The following ZNF689 variants were observed in gnomAD, a reference collection of about 807,000 sequenced individuals.
ZNF689 encodes the protein short ORF-encoded histone-binding protein.
ZNF689 carries 14 observed loss-of-function variants against 37.2 expected under a neutral mutation model. The observed-to-expected ratio is 0.38, with a 90% CI of 0.25 to 0.59. The LOEUF is 0.59. Among genes scored for constraint, ZNF689 ranks in the 20% least tolerant of loss-of-function variants. ZNF689 has a pLI of 0.68. For missense variants in ZNF689, 573 were observed against 700.2 expected (o/e 0.82, Z 2.05); for synonymous variants, 277 against 283.3 (o/e 0.98, Z 0.22).
chr16:30,607,801 C>T (rs919176826), intron 2 of ZNF689, among the ~76,000 whole-genome samples: 4 of 152,268 alleles, frequency 2.6e-5, no homozygotes, highest in African/African-American at 9.6e-5. Flanking sequence ...GAAACCCTGT[C>T]TCTACTAAAA....
At position 30,604,467 on chromosome 16, in the gene ZNF689, A is replaced by T; in HGVS notation, c.1300T>A (p.Cys434Ser). 6.2e-7 allele frequency: 1 copy of T among 1,610,196 alleles called. No homozygotes were observed. The highest frequency in any genetic ancestry group is 2.2e-5 in the East Asian group (1 of 44,754). Reference sequence around the variant, plus strand: ...CTCCACTGAGCAAAACGCTTGGAGCAAAGGTCGCAGGCATAGGGCCGCTCG... The same window carrying T: ...CTCCACTGAGCAAAACGCTTGGAGCTAAGGTCGCAGGCATAGGGCCGCTCG... ...SGERPYACDL[C>S]SKRFAQWSHL... is the part of the protein sequence containing the mutation. Residue 434 changes from cysteine to serine, a missense_variant, in exon 3 of 3, where the codon TGC (cysteine) becomes AGC (serine). Coordinates refer to ENST00000287461, the MANE Select transcript of ZNF689 (RefSeq NM_138447.3). The surrounding 1 kb of genome is among the most constrained non-coding windows in gnomAD (Gnocchi z 5.2).
rs1369477288 is a variant in ZNF689 at position 30,609,560 on chromosome 16, G to T, written c.284C>A (p.Pro95Gln). 1 of 1,613,966 alleles carries T rather than the reference G, an allele frequency of 6.2e-7. No homozygotes were observed. Among genetic ancestry groups the T allele is most frequent in the African/African-American group, 1.3e-5 (1 of 74,894 alleles). Reference protein sequence around the residue: ...TDDWEPAALDPQEYPRGLTVQ... With the variant: ...TDDWEPAALDQQEYPRGLTVQ... ...TGTTAGCCCTCTCGGGTACTCCTGC[G>T]GATCTAGAGCAGCCGGTTCCCAGTC... Residue 95 changes from proline to glutamine, a missense_variant, in exon 2 of 3, where the codon CCG (proline) becomes CAG (glutamine). Around this residue, in one of 3 missense-constraint regions of ZNF689, gnomAD observed 252 missense variants for 313.3 expected, o/e 0.80. Coordinates refer to ENST00000287461, the MANE Select transcript of ZNF689 (RefSeq NM_138447.3).
chr16:30,605,543 T>G lies in ZNF689; in HGVS notation c.320-96A>C. 7.8e-7 allele frequency: 1 copy of G among 1,289,666 alleles called. No individual in the cohort carries two copies. Among genetic ancestry groups the G allele is most frequent in the Non-Finnish European group, 1.1e-6 (1 of 933,716 alleles). 79.9% of individuals were successfully genotyped at this position (1,289,666 alleles called of 1,614,324 possible). A position where few individuals can be genotyped will look rare whatever the true frequency, so the allele number is the denominator to read the frequency against. On this transcript the variant is annotated intron_variant, in intron 2 of 2. Coordinates refer to ENST00000287461, the MANE Select transcript of ZNF689 (RefSeq NM_138447.3). This position sits in a 1 kb window ranked among gnomAD's most constrained non-coding sequence, Gnocchi z 5.1. Reference sequence around the variant, plus strand: ...CAAGACCAATAGACTCACCCCCTGGTCTCAATTCCTAGTGCCACAGACAGC... The same window carrying G: ...CAAGACCAATAGACTCACCCCCTGGGCTCAATTCCTAGTGCCACAGACAGC...
chr16:30,605,109 G>A lies in ZNF689; in HGVS notation c.658C>T (p.Leu220Phe). Residue 220 changes from leucine to phenylalanine, a missense_variant, in exon 3 of 3, where the codon CTC becomes TTC. By Grantham distance (22) the Leu-to-Phe change is conservative. Transcript: ENST00000287461. The surrounding 1 kb of genome is among the most constrained non-coding windows in gnomAD (Gnocchi z 5.1). ...GTATGGATGACCTGGTGCTGGGAGA[G>A]GTTCTTGCGCTGGGAGAAACGTTTG... ...CGKRFSQRKNLSQHQVIHTGE... is the reference protein window; with the variant it reads ...CGKRFSQRKNFSQHQVIHTGE... The A allele has an allele frequency of 5.0e-6, 8 of 1,614,110 alleles. No homozygotes were observed. The highest frequency in any genetic ancestry group is 6.8e-6 in the Non-Finnish European group (8 of 1,180,022).
intron 2 of ZNF689, among the ~76,000 whole-genome samples, chr16:30,607,407 A>G (rs538196688): frequency 2.0e-5 from 3 of 151,804 alleles, no homozygotes; most frequent in Non-Finnish European, 4.4e-5. Context: ...CCTGGCCAAC[A>G]TGGTGAAACC....
At position 30,604,201 on chromosome 16, in the gene ZNF689, C is replaced by T. The variant is rs892834863; in HGVS notation, c.*63G>A. 1.3e-6 allele frequency: 2 copies of T among 1,570,028 alleles called. No homozygotes were observed. Among genetic ancestry groups the T allele is most frequent in the African/African-American group, 1.4e-5 (1 of 73,924 alleles). On this transcript the variant is annotated 3_prime_UTR_variant, in exon 3 of 3. Coordinates refer to ENST00000287461, the MANE Select transcript of ZNF689 (RefSeq NM_138447.3). This position sits in a 1 kb window ranked among gnomAD's most constrained non-coding sequence, Gnocchi z 5.2. ...TGACTCTGCCCTGTATGACCTGGGG[C>T]TCCTCCTTCCCTTTTCTGGGACCCT...
At chr16:30,607,448 G>A (rs1399856774) in intron 2 of ZNF689, among the ~76,000 whole-genome samples, 2 of 150,922 alleles carry the variant, frequency 1.3e-5, no homozygotes, top group African/African-American at 2.4e-5. Context: ...AAAATTAGCC[G>A]TGCATGCTGG....
intron 1 of ZNF689, 52 bp from the exon 2 acceptor site, chr16:30,609,690 T>C (rs1189494708): frequency 1.2e-6 from 2 of 1,611,034 alleles, no homozygotes; most frequent in African/African-American, 1.3e-5. Context: ...CGCCGAGTAG[T>C]ATCTCCCCGA....
In ZNF689 at chr16:30,604,457, C is replaced by A. The variant is rs753630174; in HGVS notation, c.1310G>T (p.Arg437Leu). The change falls in exon 3 of 3, where the codon CGT becomes CTT. Residue 437 changes from arginine to leucine, a missense_variant. This residue lies in a region of ZNF689 where 317 missense variants were observed against 367.1 expected (regional missense o/e 0.86). Transcript: ENST00000287461. The surrounding 1 kb of genome is among the most constrained non-coding windows in gnomAD (Gnocchi z 5.2). ...GGCCAGGTGGCTCCACTGAGCAAAA[C>A]GCTTGGAGCAAAGGTCGCAGGCATA... The part of the protein sequence containing the change: ...RPYACDLCSK[R>L]FAQWSHLAQH... 2 of 1,611,392 alleles carry A rather than the reference C, an allele frequency of 1.2e-6. No individual in the cohort carries two copies. The highest frequency in any genetic ancestry group is 1.7e-6 in the Non-Finnish European group (2 of 1,178,938).
Position 30,605,540 on chromosome 16 carries a change from T to C in ZNF689, c.320-93A>G, listed in dbSNP as rs2052028246. On this transcript the variant is annotated intron_variant, in intron 2 of 2. Transcript: ENST00000287461. The surrounding 1 kb of genome is among the most constrained non-coding windows in gnomAD (Gnocchi z 5.1). ...TTACAAGACCAATAGACTCACCCCC[T>C]GGTCTCAATTCCTAGTGCCACAGAC... 1.5e-6 allele frequency: 2 copies of C among 1,316,560 alleles called. No homozygotes were observed. Among genetic ancestry groups the C allele is most frequent in the Non-Finnish European group, 2.1e-6 (2 of 956,440 alleles). The allele number at this position is 1,316,560 out of a possible 1,614,324, so 81.6% of individuals were successfully genotyped here.
At position 30,605,261 on chromosome 16, in the gene ZNF689, C is replaced by G; in HGVS notation, c.506G>C (p.Cys169Ser). ...GTAAGGCTTTTTTAGATTCTGGGCG[C>G]ACTTGTGGCTCTCCAGGGCCTGATG... Reference protein sequence around the residue: ...PDHQALESHKCAQNLKKPYPC... With the variant: ...PDHQALESHKSAQNLKKPYPC... Residue 169 changes from cysteine to serine, a missense_variant, in exon 3 of 3, where the codon TGC (cysteine) becomes TCC (serine). Cys to Ser is a moderately radical substitution (Grantham distance 112). This residue lies in a region of ZNF689 where 252 missense variants were observed against 313.3 expected (regional missense o/e 0.80). Coordinates refer to ENST00000287461, the MANE Select transcript of ZNF689 (RefSeq NM_138447.3). The surrounding 1 kb of genome is among the most constrained non-coding windows in gnomAD (Gnocchi z 5.1). The G allele has an allele frequency of 6.2e-7, 1 of 1,611,450 alleles. No homozygotes were observed. The highest frequency in any genetic ancestry group is 8.5e-7 in the Non-Finnish European group (1 of 1,178,200).
rs1211479966 is a variant in ZNF689 at position 30,604,916 on chromosome 16, G to A, written c.851C>T (p.Thr284Met). 1.3e-6 allele frequency: 2 copies of A among 1,575,258 alleles called. No individual in the cohort carries two copies. The highest frequency in any genetic ancestry group is 1.7e-6 in the Non-Finnish European group (2 of 1,160,012). ...GAGGCAAGTGTAGGGCTTCTCTCCC[G>A]TGTGTGTACGCTGGTGGATGGCTAG... ...SLLAIHQRTH[T>M]GEKPYTCLEC... The change falls in exon 3 of 3, where the codon ACG becomes ATG. Residue 284 changes from threonine to methionine, a missense_variant. Transcript: ENST00000287461. The surrounding 1 kb of genome is among the most constrained non-coding windows in gnomAD (Gnocchi z 5.2).
At chr16:30,608,886 C>A (rs2052060998) in intron 2 of ZNF689, among the ~76,000 whole-genome samples, 1 of 152,206 alleles carries the variant, frequency 6.6e-6, no homozygotes, top group Non-Finnish European at 1.5e-5. Context: ...ATGGGTGGAT[C>A]TGGGACCCTT....
chr16:30,603,435 T>C lies in ZNF689; in HGVS notation c.*829A>G, dbSNP rs1192496190. The C allele has an allele frequency of 6.6e-6, 1 of 151,014 alleles. No individual in the cohort carries two copies. The highest frequency in any genetic ancestry group is 1.5e-5 in the Non-Finnish European group (1 of 67,880). The allele number at this position is 151,014 out of a possible 1,614,324, so 9.4% of individuals were successfully genotyped here. A position where few individuals can be genotyped will look rare whatever the true frequency, so the allele number is the denominator to read the frequency against. On this transcript the variant is annotated 3_prime_UTR_variant, in exon 3 of 3. Transcript: ENST00000287461. ...CAATAAACCCCTGGTACCATGCAGC[T>C]CCCCCAAATTCAGTGCAACCAAAGC...
Position 30,605,340 on chromosome 16 carries a change from T to C in ZNF689, c.427A>G (p.Arg143Gly), listed in dbSNP as rs2052026080. ...CAGATGGGGCCCCCGGACGTCTGCC[T>C]AGGAATCAGTCGGGGTTTGCTGGGC... is the stretch of plus-strand genomic sequence containing the variant. ...RRPSKPRLIP[R>G]QTSGGPICPD... Residue 143 changes from arginine (R) to glycine (G), a missense_variant, in exon 3 of 3, where the codon AGG becomes GGG. Transcript: ENST00000287461. This position sits in a 1 kb window ranked among gnomAD's most constrained non-coding sequence, Gnocchi z 5.1. The C allele has an allele frequency of 6.2e-7, 1 of 1,613,492 alleles. No homozygotes were observed. Among genetic ancestry groups the C allele is most frequent in the African/African-American group, 1.3e-5 (1 of 74,924 alleles).
chr16:30,605,244 T>G lies in ZNF689; in HGVS notation c.523A>C (p.Lys175Gln). Residue 175 changes from lysine to glutamine, a missense_variant, in exon 3 of 3, where the codon AAG becomes CAG. Lys to Gln is a moderately conservative substitution (Grantham distance 53). Coordinates refer to ENST00000287461, the MANE Select transcript of ZNF689 (RefSeq NM_138447.3). This position sits in a 1 kb window ranked among gnomAD's most constrained non-coding sequence, Gnocchi z 5.1. The part of the protein sequence containing the change: ...ESHKCAQNLK[K>Q]PYPCPDCGRR... ...CCACAGTCTGGGCAAGGGTAAGGCTTTTTTAGATTCTGGGCGCACTTGTGG... is the reference window on the plus strand; with the variant it reads ...CCACAGTCTGGGCAAGGGTAAGGCTGTTTTAGATTCTGGGCGCACTTGTGG... 1 of 1,612,524 alleles carries G rather than the reference T, an allele frequency of 6.2e-7. No homozygotes were observed. The highest frequency in any genetic ancestry group is 1.3e-5 in the African/African-American group (1 of 74,940).
Position 30,605,370 on chromosome 16 carries a change from G to T in ZNF689, c.397C>A (p.Arg133=). 6.2e-7 allele frequency: 1 copy of T among 1,613,950 alleles called. No homozygotes were observed. Among genetic ancestry groups the T allele is most frequent in the Non-Finnish European group, 8.5e-7 (1 of 1,179,930 alleles). ...KEAPRKGKRG[R]RPSKPRLIPR... is the part of the protein sequence containing the mutation. ...ATCAGTCGGGGTTTGCTGGGCCTCC[G>T]GCCTCGCTTCCCCTTTCGGGGTGCC... The change falls in exon 3 of 3, where the codon CGG becomes AGG. Residue 133 remains arginine, a synonymous_variant. Coordinates refer to ENST00000287461, the MANE Select transcript of ZNF689 (RefSeq NM_138447.3). This position sits in a 1 kb window ranked among gnomAD's most constrained non-coding sequence, Gnocchi z 5.1.
At position 30,610,010 on chromosome 16, in the gene ZNF689, T is replaced by C. The variant is rs780958910; in HGVS notation, c.32A>G (p.Gln11Arg). MAPPSAPLPA[Q>R]GPGKARPSRK... ...ACTGGGTCTGGCCTTTCCTGGTCCC[T>C]GCGCAGGGAGCGGAGCCGAAGGTGG... The change falls in exon 1 of 3, where the codon CAG becomes CGG. Residue 11 changes from glutamine to arginine, a missense_variant. This residue lies in a region of ZNF689 where 252 missense variants were observed against 313.3 expected (regional missense o/e 0.80). Transcript: ENST00000287461. 7 of 1,604,980 alleles carry C rather than the reference T, an allele frequency of 4.4e-6. No homozygotes were observed. The highest frequency in any genetic ancestry group is 5.9e-6 in the Non-Finnish European group (7 of 1,176,908).
In ZNF689 at chr16:30,604,731, C is replaced by T. The variant is rs747481621; in HGVS notation, c.1036G>A (p.Ala346Thr). ...AAGCGGGCCTCACAGTGCTCGCAGG[C>T]ATAGGGACGCTCCCCAGAGTGCACA... ...RRVHSGERPY[A>T]CEHCEARFSQ... is the part of the protein sequence containing the mutation. Residue 346 changes from alanine to threonine, a missense_variant, in exon 3 of 3, where the codon GCC becomes ACC. By Grantham distance (58) the Ala-to-Thr change is moderately conservative. This residue lies in a region of ZNF689 where 317 missense variants were observed against 367.1 expected (regional missense o/e 0.86). Coordinates refer to ENST00000287461, the MANE Select transcript of ZNF689 (RefSeq NM_138447.3). This position sits in a 1 kb window ranked among gnomAD's most constrained non-coding sequence, Gnocchi z 5.2. 2 of 1,606,198 alleles carry T rather than the reference C, an allele frequency of 1.2e-6. No individual in the cohort carries two copies. Among genetic ancestry groups the T allele is most frequent in the South Asian group, 1.1e-5 (1 of 90,760 alleles).
Sources: gnomAD v4.1 joint callset for allele counts (sites outside exome capture counted in the v4.1 genomes callset) on GRCh38, gnomAD v4.1.1 for gene constraint, gnomAD v4.1.1 regional missense constraint, Gnocchi (gnomAD v3.1) non-coding constraint, MANE v1.5 for transcripts, NCBI Gene and HGNC (gene_info 2026-07-23, HGNC 2026-07-21) for gene names.